CEP192: variants seen among roughly 807,000 people sequenced by gnomAD.
CEP192 encodes centrosomal protein 192, also known as centrosomal protein of 192 kDa.
In CEP192, 151 loss-of-function variants were observed where a neutral mutation model predicts 271.8. That is an observed-to-expected ratio of 0.56 (90% CI 0.49 to 0.64). The LOEUF is 0.64. Among genes scored for constraint, CEP192 ranks in the 30% least tolerant of loss-of-function variants. CEP192 has a pLI of 0.00. For synonymous variants in CEP192, 995 were observed against 1,076.5 expected, an observed-to-expected ratio of 0.92 and a Z score of 1.48; for missense variants, 2,910 against 3,020.5, an observed-to-expected ratio of 0.96 and a Z score of 0.86.
rs145377959 is a variant in CEP192, at chr18:13,056,216, G to A, written c.3626G>A (p.Arg1209His). 1.8e-4 allele frequency: 295 copies of A among 1,614,022 alleles called. No homozygotes were observed. The African/African-American group carries it at 3.1e-3, about 17-fold the overall frequency. The change falls in exon 19 of 45, where the codon CGT (arginine) becomes CAT (histidine). Residue 1209 changes from arginine (R) to histidine (H), a missense_variant. Physicochemically the swap from Arg to His is conservative, Grantham distance 29. Transcript: ENST00000506447. ...CCTAAAGATAAGTCAACTGCTGGCC[G>A]TGAGTTCAGTGGCCAGGTTTCTCAT... ...ISPKDKSTAG[R>H]EFSGQVSHQT...
At chr18:13,003,748 C>T (rs2033805587) in intron 3 of CEP192, among the ~76,000 whole-genome samples, 2 of 152,128 alleles carry the variant, frequency 1.3e-5, no homozygotes, top group South Asian at 2.1e-4. Context: ...TGCAGTGTGC[C>T]GTAATTGCAC....
chr18:13,004,308 T>TG (rs1368361295), intron 3 of CEP192, among the ~76,000 whole-genome samples: 1 of 151,886 alleles, frequency 6.6e-6, no homozygotes, highest in Non-Finnish European at 1.5e-5. Flanking sequence ...ACTTTTTTTT[T>TG]TTGTGGTGGG....
At chr18:13,099,217 G>T (rs1044794879) in intron 36 of CEP192, among the ~76,000 whole-genome samples, 2 of 151,342 alleles carry the variant, frequency 1.3e-5, no homozygotes, top group Non-Finnish European at 2.9e-5. Context: ...GGAGAGGGCG[G>T]CATGGTTTGT....
intron 42 of CEP192, 77 bp from the exon 43 acceptor site, chr18:13,116,300 A>T: frequency 7.4e-7 from 1 of 1,356,890 alleles, no homozygotes; most frequent in Admixed American, 2.2e-5. Context: ...GCAATACTAC[A>T]TAATTTTAAT....
chr18:13,053,487 C>T (rs2036913926), intron 18 of CEP192, among the ~76,000 whole-genome samples: 1 of 152,128 alleles, frequency 6.6e-6, no homozygotes, highest in Non-Finnish European at 1.5e-5. Context: ...GCAGAGTTAA[C>T]ACATGGGGAG....
At chr18:13,016,776 C>T (rs1410243834) in intron 6 of CEP192, among the ~76,000 whole-genome samples, 1 of 152,116 alleles carries the variant, frequency 6.6e-6, no homozygotes, top group African/African-American at 2.4e-5. Context: ...AGTGGCCTTT[C>T]TCCTTCCCTC....
At chr18:13,004,484 G>GAC (rs2033857902) in intron 3 of CEP192, among the ~76,000 whole-genome samples, 2 of 152,138 alleles carry the variant, frequency 1.3e-5, no homozygotes, top group African/African-American at 4.8e-5. Flanking sequence ...TAGGACTGCG[G>GAC]ACAGTTCCCC....
chr18:13,106,486 T>A (rs1330391968), intron 40 of CEP192, among the ~76,000 whole-genome samples: 1 of 132,762 alleles, frequency 7.5e-6, no homozygotes, highest in Non-Finnish European at 1.6e-5. Flanking sequence ...CTACCACTAC[T>A]CACCACTGCC....
At chr18:13,070,908 A>G in intron 27 of CEP192, 131 bp from the exon 28 acceptor site, 1 of 673,532 alleles carries the variant, frequency 1.5e-6, no homozygotes. Flanking sequence ...CTGCAGCACA[A>G]GCTCTAAGGG....
Position 13,072,842 on chromosome 18 carries a change from T to C in CEP192, c.5436T>C (p.Phe1812=). ...TTAGAGGACAAGATCAGGACTGCTTTCAGGTTCGTAGAGTACGTGGATTCT... is the reference window on the plus strand; with the variant it reads ...TTAGAGGACAAGATCAGGACTGCTTCCAGGTTCGTAGAGTACGTGGATTCT... The part of the protein sequence containing the change: ...LLIRGQDQDC[F]QLQNTFGSEQ... Residue 1812 remains phenylalanine (F), a synonymous_variant, in exon 29 of 45, where the codon TTT becomes TTC. Transcript: ENST00000506447. 4 of 1,608,254 alleles carry C rather than the reference T, an allele frequency of 2.5e-6. No individual in the cohort carries two copies. Among genetic ancestry groups the C allele is most frequent in the Non-Finnish European group, 3.4e-6 (4 of 1,174,602 alleles).
intron 9 of CEP192, among the ~76,000 whole-genome samples, chr18:13,021,757 GTTTAGGTC>G (rs1166911606): frequency 2.0e-5 from 3 of 152,170 alleles, no homozygotes; most frequent in African/African-American, 4.8e-5. Flanking sequence ...ATGTGTGTCC[GTTTAGGTC>G]TTTAGGTCTT....
rs976577287 is a variant in CEP192 at position 13,114,050 on chromosome 18, A to G, written c.7168-80A>G. On this transcript the variant is annotated intron_variant, in intron 41 of 44. Coordinates refer to ENST00000506447, the MANE Select transcript of CEP192 (RefSeq NM_032142.4). ...CTTTTAAAAATTTTTAAAGGAAATGATAGAATTCAAATAAGTAAATGTCCA... is the reference window on the plus strand; with the variant it reads ...CTTTTAAAAATTTTTAAAGGAAATGGTAGAATTCAAATAAGTAAATGTCCA... The G allele has an allele frequency of 2.7e-6, 4 of 1,477,284 alleles. No individual in the cohort carries two copies. In the African/African-American group the frequency reaches 5.7e-5, roughly 21 times the overall value. 91.5% of individuals were successfully genotyped at this position (1,477,284 alleles called of 1,614,324 possible). A position where few individuals can be genotyped will look rare whatever the true frequency, so the allele number is the denominator to read the frequency against.
Position 13,124,767 on chromosome 18 carries a change from T to G in CEP192, c.7611T>G (p.Asn2537Lys). 6.2e-7 allele frequency: 1 copy of G among 1,600,702 alleles called. No individual in the cohort carries two copies. Among genetic ancestry groups the G allele is most frequent in the South Asian group, 1.1e-5 (1 of 90,508 alleles). ...IRLIGEALGK[N>K] ...TAATTGGTGAAGCTCTTGGAAAAAA[T>G]TAACTAGAATACATTTTTGTGTAAA... Residue 2537 changes from asparagine (N) to lysine (K), a missense_variant, in exon 45 of 45, where the codon AAT becomes AAG. Coordinates refer to ENST00000506447, the MANE Select transcript of CEP192 (RefSeq NM_032142.4).
intron 36 of CEP192, among the ~76,000 whole-genome samples, chr18:13,098,071 G>C (rs996183009): frequency 1.3e-5 from 2 of 152,124 alleles, no homozygotes; most frequent in African/African-American, 4.8e-5. Context: ...GCAACCATCC[G>C]ATTTCTCAAT....
At chr18:13,060,645 C>T (rs763159200) in intron 21 of CEP192, among the ~76,000 whole-genome samples, 5 of 152,096 alleles carry the variant, frequency 3.3e-5, no homozygotes, top group Non-Finnish European at 7.3e-5. Context: ...TTGATTTCAC[C>T]TGGGCACTGG....
chr18:12,998,509 T>TC (rs1160797922), intron 1 of CEP192, among the ~76,000 whole-genome samples: 1 of 152,218 alleles, frequency 6.6e-6, no homozygotes, highest in Non-Finnish European at 1.5e-5. Context: ...ATACCTACAT[T>TC]GTAAGATTTT....
rs1459949759 is a variant in CEP192, at chr18:13,030,467, A to G, written c.1393A>G (p.Thr465Ala). Reference sequence around the variant, plus strand: ...ATTTTGGGAATTTTATTTTTTAGAAACAGATCTCCCACAGAGTGTGGTCTA... The same window carrying G: ...ATTTTGGGAATTTTATTTTTTAGAAGCAGATCTCCCACAGAGTGTGGTCTA... The part of the protein sequence containing the change: ...HESIEKNKDK[T>A]DLPQSVVYQN... Residue 465 changes from threonine to alanine, a missense_variant and splice_region_variant, in exon 11 of 45, where the codon ACA becomes GCA. Physicochemically the swap from Thr to Ala is moderately conservative, Grantham distance 58. Coordinates refer to ENST00000506447, the MANE Select transcript of CEP192 (RefSeq NM_032142.4). 26 of 1,568,362 alleles carry G rather than the reference A, an allele frequency of 1.7e-5. No individual in the cohort carries two copies. The highest frequency in any genetic ancestry group is 2.1e-5 in the Non-Finnish European group (24 of 1,156,762).
rs747319531 is a variant in CEP192, at chr18:13,019,140, C to A, written c.984C>A (p.Ser328=). 6.5e-7 allele frequency: 1 copy of A among 1,544,456 alleles called. No individual in the cohort carries two copies. The highest frequency in any genetic ancestry group is 1.2e-5 in the South Asian group (1 of 83,098). ...RRYTDGMLPF[S]SGTWGTEKEI... ...ACACAGATGGTATGTTACCATTTTCCTCTGGTACTTGGGGAACTGAGAAAG... is the reference window on the plus strand; with the variant it reads ...ACACAGATGGTATGTTACCATTTTCATCTGGTACTTGGGGAACTGAGAAAG... The change falls in exon 9 of 45, where the codon TCC becomes TCA. Residue 328 remains serine (S), a synonymous_variant. Transcript: ENST00000506447.
intron 38 of CEP192, among the ~76,000 whole-genome samples, chr18:13,101,176 A>G (rs2039687626): frequency 6.6e-6 from 1 of 152,190 alleles, no homozygotes; most frequent in African/African-American, 2.4e-5. Flanking sequence ...CGCAATCACA[A>G]GGGTGAACAG....
Sources: allele counts gnomAD v4.1 joint callset (sites outside exome capture counted in the v4.1 genomes callset), GRCh38; gene constraint gnomAD v4.1.1; transcripts MANE v1.5; gene names NCBI Gene and HGNC (gene_info 2026-07-23, HGNC 2026-07-21).